The following SCAMP1 variants were observed in gnomAD, a reference collection of about 807,000 sequenced individuals.
SCAMP1 encodes the protein secretory carrier membrane protein 1, also known as secretory carrier-associated membrane protein 1.
In SCAMP1, 15 loss-of-function variants were observed where a neutral mutation model predicts 41.8. That is an observed-to-expected ratio of 0.36 (90% confidence interval 0.24 to 0.55). The LOEUF is 0.55. Ranked by LOEUF, SCAMP1 falls within the 20% of genes least tolerant of loss-of-function variation. The probability of loss-of-function intolerance (pLI) is 0.86; values close to 1 mark genes in which losing one functional copy is unlikely to be tolerated. For missense variants in SCAMP1, 341 were observed against 412.6 expected, an observed-to-expected ratio of 0.83 and a Z score of 1.50; for synonymous variants, 135 against 136.8, an observed-to-expected ratio of 0.99 and a Z score of 0.09.
At chr5:78,399,067 C>T (rs1751735247) in intron 2 of SCAMP1, among the ~76,000 whole-genome samples, 1 of 152,296 alleles carries the variant, frequency 6.6e-6, no homozygotes, top group South Asian at 2.1e-4. Context: ...TGGAATCATA[C>T]ATAATGTAGC....
chr5:78,451,803 T>A (rs1320524768), intron 7 of SCAMP1, among the ~76,000 whole-genome samples: 1 of 152,084 alleles, frequency 6.6e-6, no homozygotes, highest in African/African-American at 2.4e-5. Flanking sequence ...TACAGGCGCC[T>A]GCCACCCAGC....
At chr5:78,474,934 T>C (rs1348241355) in intron 8 of SCAMP1, among the ~76,000 whole-genome samples, 2 of 152,192 alleles carry the variant, frequency 1.3e-5, no homozygotes, top group Non-Finnish European at 2.9e-5. Context: ...CAGAAGTGTT[T>C]CTTTGTGCAT....
chr5:78,439,854 A>G (rs2885617), intron 6 of SCAMP1, among the ~76,000 whole-genome samples: 68,677 of 151,986 alleles, frequency 0.45, 16,325 homozygotes, highest in Non-Finnish European at 0.51. Flanking sequence ...AGGTACACCA[A>G]TGAGACATAG....
intron 6 of SCAMP1, among the ~76,000 whole-genome samples, chr5:78,426,945 AT>A (rs1178119446): frequency 6.6e-6 from 1 of 152,164 alleles, no homozygotes; most frequent in Non-Finnish European, 1.5e-5. Flanking sequence ...GTTACATCAC[AT>A]TTTATTTATG....
chr5:78,383,437 T>TA (rs2112074600), intron 1 of SCAMP1, among the ~76,000 whole-genome samples: 1 of 152,326 alleles, frequency 6.6e-6, no homozygotes, highest in African/African-American at 2.4e-5. Context: ...TTAGTTTAAT[T>TA]AAGTCCCATC....
intron 6 of SCAMP1, among the ~76,000 whole-genome samples, chr5:78,437,522 T>C (rs553833233): frequency 5.3e-5 from 8 of 152,374 alleles, no homozygotes; most frequent in African/African-American, 1.9e-4. Context: ...TGTTTATTGA[T>C]TTGCGCATGT....
At chr5:78,458,139 C>T (rs528112268) in intron 7 of SCAMP1, among the ~76,000 whole-genome samples, 15 of 152,204 alleles carry the variant, frequency 9.9e-5, no homozygotes, top group Admixed American at 5.2e-4. Context: ...AGAAATCACC[C>T]GTCTTCTGCG....
chr5:78,427,673 T>A (rs10064024), intron 6 of SCAMP1, among the ~76,000 whole-genome samples: 56,290 of 152,030 alleles, frequency 0.37, 12,558 homozygotes, highest in Non-Finnish European at 0.5. Flanking sequence ...GTCTGAGGGT[T>A]CTAGTTTCTC....
chr5:78,455,549 T>C (rs1379075514), intron 7 of SCAMP1, among the ~76,000 whole-genome samples: 1 of 124,916 alleles, frequency 8.0e-6, no homozygotes, highest in Non-Finnish European at 1.7e-5. Flanking sequence ...GTCTGAGAGA[T>C]AGTTTGTTAT....
chr5:78,367,435 C>G (rs1750826233), intron 1 of SCAMP1, among the ~76,000 whole-genome samples: 1 of 152,110 alleles, frequency 6.6e-6, no homozygotes, highest in Non-Finnish European at 1.5e-5. Context: ...ACTCAAGTGC[C>G]TGCTGGTTAC....
intron 8 of SCAMP1, among the ~76,000 whole-genome samples, chr5:78,473,159 T>A (rs574449534): frequency 1.3e-5 from 2 of 152,316 alleles, no homozygotes; most frequent in South Asian, 4.1e-4. Context: ...ATCTTTGGAT[T>A]TACCAGTATA....
intron 1 of SCAMP1, among the ~76,000 whole-genome samples, chr5:78,387,475 G>A (rs4613679): frequency 0.45 from 67,831 of 151,058 alleles, 15,980 homozygotes; most frequent in Non-Finnish European, 0.5. Flanking sequence ...TAGAGGTTTT[G>A]TCTTGGTTTG....
At chr5:78,455,747 TTC>T (rs2112221611) in intron 7 of SCAMP1, among the ~76,000 whole-genome samples, 1 of 138,068 alleles carries the variant, frequency 7.2e-6, no homozygotes, top group Admixed American at 7.3e-5. Context: ...CTTATTGACT[TTC>T]TGTCTTGTTG....
At chr5:78,460,803 T>TCCTC (rs201683855) in intron 8 of SCAMP1, among the ~76,000 whole-genome samples, 5 of 45,798 alleles carry the variant, frequency 1.1e-4, no homozygotes, top group Admixed American at 1.1e-3. Flanking sequence ...CTTCCTTCCT[T>TCCTC]CCTCCCTTCC....
chr5:78,436,572 C>T (rs1247868803), intron 6 of SCAMP1, among the ~76,000 whole-genome samples: 1 of 152,088 alleles, frequency 6.6e-6, no homozygotes, highest in Non-Finnish European at 1.5e-5. Context: ...TGTTCTGTTC[C>T]ATTGGTCTAA....
At chr5:78,388,952 T>G (rs576163995) in intron 2 of SCAMP1, 38 bp downstream of exon 2, 2 of 1,044,400 alleles carry the variant, frequency 1.9e-6, no homozygotes, top group South Asian at 3.0e-5. Context: ...TAAATTGAAA[T>G]TCAGTAGGAA....
At chr5:78,388,625 G>A (rs529081038) in intron 1 of SCAMP1, among the ~76,000 whole-genome samples, 1 of 152,274 alleles carries the variant, frequency 6.6e-6, no homozygotes, top group South Asian at 2.1e-4. Flanking sequence ...ATCTAACTCA[G>A]TTTTTGTTTT....
At chr5:78,368,910 CTT>C (rs765181865) in intron 1 of SCAMP1, among the ~76,000 whole-genome samples, 1 of 151,898 alleles carries the variant, frequency 6.6e-6, no homozygotes, top group African/African-American at 2.4e-5. Context: ...TCCAAACAGA[CTT>C]TTAAAAATCT....
At chr5:78,475,290 ATC>A (rs1753978409) in intron 8 of SCAMP1, among the ~76,000 whole-genome samples, 1 of 152,106 alleles carries the variant, frequency 6.6e-6, no homozygotes, top group Non-Finnish European at 1.5e-5. Flanking sequence ...TAGCATAATT[ATC>A]TCTTCTGCTT....
Sources: gnomAD v4.1 joint callset for allele counts (sites outside exome capture counted in the v4.1 genomes callset) on GRCh38, gnomAD v4.1.1 for gene constraint, MANE v1.5 for transcripts, NCBI Gene and HGNC (gene_info 2026-07-23, HGNC 2026-07-21) for gene names.